The following KLF7 variants were observed in gnomAD, a reference collection of about 807,000 sequenced individuals.
KLF7 encodes Krueppel-like factor 7.
A neutral mutation model predicts 27.3 loss-of-function variants in KLF7; 2 were observed. That is an observed-to-expected ratio of 0.07 (90% CI 0.03 to 0.23). The LOEUF is 0.23. KLF7 is among the 10% of genes least tolerant of loss of function. KLF7 has a pLI of 1.00. For synonymous variants in KLF7, 165 were observed against 162.4 expected (o/e 1.02, Z -0.12); for missense variants, 221 against 394.1 (o/e 0.56, Z 3.72).
At chr2:207,091,795 T>C (rs2076519075) in intron 2 of KLF7, among the ~76,000 whole-genome samples, 1 of 152,130 alleles carries the variant, frequency 6.6e-6, no homozygotes, top group South Asian at 2.1e-4. Flanking sequence ...GGGAAATTCT[T>C]CTGTCAGTAT....
chr2:207,098,409 A>G (rs2076680609), intron 2 of KLF7, among the ~76,000 whole-genome samples: 1 of 152,186 alleles, frequency 6.6e-6, no homozygotes, highest in African/African-American at 2.4e-5. Context: ...TCATTTGTAG[A>G]ACATTTTCTT....
chr2:207,100,594 C>T (rs569011910), intron 2 of KLF7, among the ~76,000 whole-genome samples: 3 of 152,246 alleles, frequency 2.0e-5, no homozygotes, highest in Non-Finnish European at 2.9e-5. Context: ...AGACAGCCCC[C>T]GCTCCCCAAC....
chr2:207,165,959 G>A, upstream of KLF7: 4 of 1,022,788 alleles, frequency 3.9e-6, no homozygotes, highest in Non-Finnish European at 4.7e-6. Flanking sequence ...CGCTCCTAAT[G>A]CAATCTTTGC....
intron 2 of KLF7, among the ~76,000 whole-genome samples, chr2:207,091,982 G>A (rs1253064555): frequency 6.6e-6 from 1 of 151,060 alleles, no homozygotes; most frequent in Non-Finnish European, 1.5e-5. Flanking sequence ...AAAAAGAAAG[G>A]CTTTCTTTAT....
chr2:207,138,391 G>C (rs914123000), intron 1 of KLF7, among the ~76,000 whole-genome samples: 2 of 152,184 alleles, frequency 1.3e-5, no homozygotes, highest in South Asian at 2.1e-4. Context: ...GGTGGTCCTT[G>C]ATACAAATCT....
chr2:207,098,008 C>T (rs930788689), intron 2 of KLF7, among the ~76,000 whole-genome samples: 4 of 152,156 alleles, frequency 2.6e-5, no homozygotes, highest in Admixed American at 1.3e-4. Context: ...AGACTGTAAA[C>T]TCACTTAAGA....
In KLF7 at chr2:207,165,404, C is replaced by G. The variant is rs956379631; in HGVS notation, c.102+63G>C. On this transcript the variant is annotated intron_variant, in intron 1 of 3. Coordinates refer to ENST00000309446, the MANE Select transcript of KLF7 (RefSeq NM_003709.4). ...AAAAATTTCAACCCAGAGCCCACACCAACGCAGCCCCTGCGTCTCCGCCGC... is the reference window on the plus strand; with the variant it reads ...AAAAATTTCAACCCAGAGCCCACACGAACGCAGCCCCTGCGTCTCCGCCGC... The G allele has an allele frequency of 6.2e-6, 10 of 1,610,566 alleles. No individual in the cohort carries two copies. The African/African-American group carries it at 6.7e-5, about 11-fold the overall frequency.
At chr2:207,120,095 T>A (rs2077297374) in intron 2 of KLF7, among the ~76,000 whole-genome samples, 1 of 152,092 alleles carries the variant, frequency 6.6e-6, no homozygotes, top group Non-Finnish European at 1.5e-5. Context: ...TCCAGCTCAG[T>A]ACCCCCATCT....
Position 207,078,971 on chromosome 2 carries a change from T to C in KLF7, c.*2242A>G, listed in dbSNP as rs1394546310. 2.6e-5 allele frequency: 4 copies of C among 152,210 alleles called. No individual in the cohort carries two copies. Among genetic ancestry groups the C allele is most frequent in the South Asian group, 4.1e-4 (2 of 4,834 alleles). The allele number at this position is 152,210 out of a possible 1,614,324, so 9.4% of individuals were successfully genotyped here. On this transcript the variant is annotated 3_prime_UTR_variant, in exon 4 of 4. Transcript: ENST00000309446. ...TTTAATACCCTCCAACTAACATACA[T>C]ACAATTGCCTCCGGCAAATGGACAG...
rs2076248034 is a variant in KLF7 at position 207,080,514 on chromosome 2, G to C, written c.*699C>G. ...CTACAGAAATGCAGGCCAGAAAGGT[G>C]TAAGGTGTTATTCCAGTCTGCCGCC... On this transcript the variant is annotated 3_prime_UTR_variant, in exon 4 of 4. Coordinates refer to ENST00000309446, the MANE Select transcript of KLF7 (RefSeq NM_003709.4). 1 of 247,402 alleles carries C rather than the reference G, an allele frequency of 4.0e-6. No homozygotes were observed. Among genetic ancestry groups the C allele is most frequent in the Non-Finnish European group, 7.7e-6 (1 of 130,572 alleles). 15.3% of individuals were successfully genotyped at this position (247,402 alleles called of 1,614,324 possible). A position where few individuals can be genotyped will look rare whatever the true frequency, so the allele number is the denominator to read the frequency against.
At chr2:207,161,261 C>T (rs1002925702) in intron 1 of KLF7, among the ~76,000 whole-genome samples, 10 of 152,074 alleles carry the variant, frequency 6.6e-5, no homozygotes, top group Admixed American at 3.3e-4. Flanking sequence ...TTCTGGGTAA[C>T]GGGCAGTTAT....
chr2:207,117,849 C>T (rs536383548), intron 2 of KLF7, among the ~76,000 whole-genome samples: 1 of 152,306 alleles, frequency 6.6e-6, no homozygotes, highest in East Asian at 1.9e-4. Context: ...TCCATGCTGC[C>T]TCTGACTGCT....
chr2:207,086,814 G>T (rs1360982708), intron 3 of KLF7, among the ~76,000 whole-genome samples: 1 of 152,168 alleles, frequency 6.6e-6, no homozygotes, highest in Non-Finnish European at 1.5e-5. Context: ...CAATCTCCAA[G>T]TAACAGCCTC....
At chr2:207,115,682 G>A (rs1194611629) in intron 2 of KLF7, among the ~76,000 whole-genome samples, 1 of 152,158 alleles carries the variant, frequency 6.6e-6, no homozygotes, top group Non-Finnish European at 1.5e-5. Flanking sequence ...AGGGGTAGAT[G>A]GGATGGTGCT....
chr2:207,109,652 T>C (rs1242874968), intron 2 of KLF7, among the ~76,000 whole-genome samples: 7 of 152,184 alleles, frequency 4.6e-5, no homozygotes, highest in Non-Finnish European at 1.0e-4. Flanking sequence ...AAGCAGCCAT[T>C]CCCAGGCTTG....
At chr2:207,128,720 A>G (rs1486513588) in intron 1 of KLF7, among the ~76,000 whole-genome samples, 1 of 152,244 alleles carries the variant, frequency 6.6e-6, no homozygotes, top group African/African-American at 2.4e-5. Flanking sequence ...ATTTCTGTCA[A>G]AATGGTTAAC....
intron 1 of KLF7, among the ~76,000 whole-genome samples, chr2:207,129,974 A>G (rs1017390567): frequency 1.3e-5 from 2 of 152,236 alleles, no homozygotes; most frequent in African/African-American, 4.8e-5. Context: ...CCTTGAGAAC[A>G]ATATAAGACA....
chr2:207,096,249 C>G (rs1360855368), intron 2 of KLF7, among the ~76,000 whole-genome samples: 1 of 152,028 alleles, frequency 6.6e-6, no homozygotes, highest in African/African-American at 2.4e-5. Context: ...CCTCCCCACC[C>G]CTGGCTTTTA....
chr2:207,130,153 A>G (rs1047956447), intron 1 of KLF7, among the ~76,000 whole-genome samples: 2 of 151,742 alleles, frequency 1.3e-5, no homozygotes, highest in African/African-American at 4.8e-5. Flanking sequence ...TCCTTCACCT[A>G]TTTTTCTTGT....
Sources: allele counts gnomAD v4.1 joint callset (sites outside exome capture counted in the v4.1 genomes callset), GRCh38; gene constraint gnomAD v4.1.1; transcripts MANE v1.5; gene names NCBI Gene and HGNC (gene_info 2026-07-23, HGNC 2026-07-21).